POU2F2: variants seen among roughly 807,000 people sequenced by gnomAD.
The protein encoded by POU2F2 is POU domain, class 2, transcription factor 2.
POU2F2 carries 14 observed loss-of-function variants against 63.5 expected under a neutral mutation model. The observed-to-expected ratio is 0.22, with a 90% CI of 0.15 to 0.34. POU2F2 has a LOEUF of 0.34. Among genes scored for constraint, POU2F2 ranks in the 10% least tolerant of loss-of-function variants. POU2F2 has a pLI of 1.00. For missense variants in POU2F2, 607 were observed against 815.2 expected (o/e 0.74, Z 3.11); for synonymous variants, 306 against 348.6 (o/e 0.88, Z 1.36).
At chr19:42,187,456 C>CAAAAAAAAAA (rs35993667) in intron 1 of POU2F2, among the ~76,000 whole-genome samples, 1 of 48,948 alleles carries the variant, frequency 2.0e-5, no homozygotes, top group African/African-American at 8.3e-5. Context: ...GACTCTGTCT[C>CAAAAAAAAAA]AAAAAAAAAA....
chr19:42,151,277 G>A (rs1310109625), intron 2 of POU2F2, among the ~76,000 whole-genome samples: 1 of 151,718 alleles, frequency 6.6e-6, no homozygotes, highest in East Asian at 2.0e-4. Flanking sequence ...GGGAAGCGGG[G>A]AGGAGAGGGG....
intron 1 of POU2F2, among the ~76,000 whole-genome samples, chr19:42,183,021 AG>A (rs1568427219): frequency 6.6e-6 from 1 of 152,222 alleles, no homozygotes; most frequent in Non-Finnish European, 1.5e-5. Flanking sequence ...ATGGAGGAGC[AG>A]CTGGAGTGGG....
chr19:42,095,870 A>G lies in POU2F2; in HGVS notation c.789T>C (p.Ile263=), dbSNP rs1599941912. The change falls in exon 9 of 15, where the codon ATT becomes ATC. Residue 263 remains isoleucine, a synonymous_variant. Coordinates refer to ENST00000692977, the MANE Select transcript of POU2F2 (RefSeq NM_001394376.1). The surrounding 1 kb of genome is among the most constrained non-coding windows in gnomAD (Gnocchi z 7.1). ...TCAGGTTGAGGGCCTCGAAGCGGGA[A>G]ATGGTCGTCTGGCTGAAGTCGTTGC... is the stretch of plus-strand genomic sequence containing the variant. ...LYGNDFSQTT[I]SRFEALNLSF... is the part of the protein sequence containing the mutation. 4 of 1,613,996 alleles carry G rather than the reference A, an allele frequency of 2.5e-6. No homozygotes were observed. The highest frequency in any genetic ancestry group is 8.5e-7 in the Non-Finnish European group (1 of 1,179,922).
At chr19:42,190,737 G>A (rs990264757) in intron 1 of POU2F2, among the ~76,000 whole-genome samples, 46 of 152,072 alleles carry the variant, frequency 3.0e-4, no homozygotes, top group Non-Finnish European at 1.9e-4. Context: ...TGCTGTTACT[G>A]AGATAAATGA....
chr19:42,182,721 C>G (rs73932877), intron 1 of POU2F2, among the ~76,000 whole-genome samples: 29,114 of 152,026 alleles, frequency 0.19, 3,197 homozygotes, highest in African/African-American at 0.3. Flanking sequence ...GGCCCAGAGA[C>G]AGGGACCCGG....
upstream of POU2F2, chr19:42,134,650 T>A (rs543134852): frequency 6.6e-6 from 1 of 152,538 alleles, no homozygotes; most frequent in South Asian, 2.1e-4. Context: ...AGGTAGGGCA[T>A]GGGAGCTAGG....
At chr19:42,187,764 A>C (rs1463426844) in intron 1 of POU2F2, among the ~76,000 whole-genome samples, 1 of 150,790 alleles carries the variant, frequency 6.6e-6, no homozygotes, top group African/African-American at 2.4e-5. Flanking sequence ...TCCATCACAA[A>C]AAAAAAAAAA....
At position 42,091,047 on chromosome 19, in the gene POU2F2, C is replaced by A; in HGVS notation, c.*210G>T. Reference sequence around the variant, plus strand: ...CTGGTTCCTTTGGGGCAGCTGGTTTCTGTTGTGATTATTTTTGGTTTTCTC... The same window carrying A: ...CTGGTTCCTTTGGGGCAGCTGGTTTATGTTGTGATTATTTTTGGTTTTCTC... On this transcript the variant is annotated 3_prime_UTR_variant, in exon 15 of 15. Coordinates refer to ENST00000692977, the MANE Select transcript of POU2F2 (RefSeq NM_001394376.1). 6.2e-6 allele frequency: 2 copies of A among 322,240 alleles called. No individual in the cohort carries two copies. Among genetic ancestry groups the A allele is most frequent in the Admixed American group, 5.4e-5 (1 of 18,608 alleles). 20.0% of individuals were successfully genotyped at this position (322,240 alleles called of 1,614,324 possible).
upstream of POU2F2, chr19:42,177,112 G>GCCGC (rs1419682380): frequency 1.4e-5 from 2 of 148,032 alleles, no homozygotes; most frequent in Non-Finnish European, 3.0e-5. Context: ...GAGGCTGCCC[G>GCCGC]CCGCCCGCCC....
In POU2F2 at chr19:42,156,843, C is replaced by T. The variant is rs1334597210; in HGVS notation, c.-9+3489G>A. ...CATCCTCCTCATGCAGCCTTGAATTCTGTTCCTTCCACGTCACCTCACCAG... is the reference window on the plus strand; with the variant it reads ...CATCCTCCTCATGCAGCCTTGAATTTTGTTCCTTCCACGTCACCTCACCAG... On this transcript the variant is annotated intron_variant, in intron 2 of 6. Transcript: ENST00000524801. The surrounding 1 kb of genome is among the most constrained non-coding windows in gnomAD (Gnocchi z 4.1). 6.6e-6 allele frequency: 1 copy of T among 152,314 alleles called. No homozygotes were observed. The highest frequency in any genetic ancestry group is 1.5e-5 in the Non-Finnish European group (1 of 68,098). The allele number at this position is 152,314 out of a possible 1,614,324, so 9.4% of individuals were successfully genotyped here.
chr19:42,119,259 C>T (rs549681101), intron 4 of POU2F2, among the ~76,000 whole-genome samples: 1 of 152,106 alleles, frequency 6.6e-6, no homozygotes, highest in Admixed American at 6.5e-5. Flanking sequence ...GAAGGCTGGT[C>T]GTGCTCTGCT....
intron 2 of POU2F2, among the ~76,000 whole-genome samples, chr19:42,138,610 C>A (rs543755281): frequency 6.6e-6 from 1 of 152,138 alleles, no homozygotes; most frequent in Admixed American, 6.5e-5. Context: ...AATCTGGAGA[C>A]AGGATGACCA....
intron 1 of POU2F2, among the ~76,000 whole-genome samples, chr19:42,194,022 T>C (rs902138982): frequency 1.3e-5 from 2 of 152,062 alleles, no homozygotes; most frequent in East Asian, 1.9e-4. Flanking sequence ...AGCAAACATA[T>C]GGTATGATTC....
chr19:42,176,220 C>T (rs1157380241), upstream of POU2F2, among the ~76,000 whole-genome samples: 1 of 152,216 alleles, frequency 6.6e-6, no homozygotes, highest in Non-Finnish European at 1.5e-5. Context: ...AGCGCCGCAG[C>T]CAGCCGGGAG....
chr19:42,099,428 A>G, intron 7 of POU2F2, 99 bp downstream of exon 7: 2 of 1,081,020 alleles, frequency 1.9e-6, no homozygotes, highest in Admixed American at 4.0e-5. Flanking sequence ...GCTGGGTCAA[A>G]TGGAAAGGAG....
intron 5 of POU2F2, chr19:42,110,821 T>C (rs2030969556): frequency 4.5e-6 from 2 of 447,922 alleles, no homozygotes; most frequent in Non-Finnish European, 4.5e-6. Flanking sequence ...TTCACTTAAT[T>C]GGTCCTTCAT....
At chr19:42,193,204 C>T (rs913123315) in intron 1 of POU2F2, among the ~76,000 whole-genome samples, 5 of 127,514 alleles carry the variant, frequency 3.9e-5, no homozygotes, top group Non-Finnish European at 7.9e-5. Flanking sequence ...GGCGACAGAA[C>T]GAGACTCCGT....
At chr19:42,186,820 C>T (rs748618375) in intron 1 of POU2F2, among the ~76,000 whole-genome samples, 14 of 152,042 alleles carry the variant, frequency 9.2e-5, no homozygotes, top group African/African-American at 1.7e-4. Flanking sequence ...ATGATGCCCA[C>T]GTTTCTCACT....
intron 2 of POU2F2, among the ~76,000 whole-genome samples, chr19:42,151,318 G>T (rs1348233695): frequency 6.6e-6 from 1 of 152,166 alleles, no homozygotes; most frequent in Admixed American, 6.5e-5. Flanking sequence ...AGAAGGCGGG[G>T]GTGGGGGCCG....
Sources: allele counts gnomAD v4.1 joint callset (sites outside exome capture counted in the v4.1 genomes callset), GRCh38; gene constraint gnomAD v4.1.1; non-coding constraint Gnocchi (gnomAD v3.1); transcripts MANE v1.5; gene names NCBI Gene and HGNC (gene_info 2026-07-23, HGNC 2026-07-21).